Variants in CAPN14 observed in about 807,000 individuals in gnomAD.
The protein encoded by CAPN14 is calpain-14.
In CAPN14, 94 loss-of-function variants were observed where a neutral mutation model predicts 101.3. The observed-to-expected ratio is 0.93, with a 90% confidence interval of 0.79 to 1.10. CAPN14 has a LOEUF of 1.10. Among genes scored for constraint, CAPN14 ranks in the 50% least tolerant of loss-of-function variants. CAPN14 has a pLI of 0.00. For missense variants in CAPN14, 837 were observed against 828.4 expected (o/e 1.01, Z -0.13); for synonymous variants, 338 against 317.9 (o/e 1.06, Z -0.67).
intron 2 of CAPN14, among the ~76,000 whole-genome samples, 195 bp downstream of exon 2, chr2:31,205,028 A>G (rs979500475): frequency 6.6e-6 from 1 of 152,186 alleles, no homozygotes; most frequent in Admixed American, 6.5e-5. Context: ...GAATACCCAG[A>G]TGGTGGCCAC....
chr2:31,215,129 C>T (rs1263526678), intron 1 of CAPN14, among the ~76,000 whole-genome samples: 1 of 152,212 alleles, frequency 6.6e-6, no homozygotes, highest in Admixed American at 6.5e-5. Context: ...AGAGTCATCC[C>T]CTACTCTTCT....
intron 1 of CAPN14, among the ~76,000 whole-genome samples, chr2:31,227,041 G>A (rs937396639): frequency 6.6e-6 from 1 of 152,122 alleles, no homozygotes; most frequent in South Asian, 2.1e-4. Context: ...CCCACGCTCT[G>A]GAAACACCTG....
chr2:31,200,760 T>G (rs1202354797), intron 5 of CAPN14, 135 bp from the exon 6 acceptor site: 2 of 787,296 alleles, frequency 2.5e-6, no homozygotes, highest in Non-Finnish European at 3.9e-6. Context: ...AACCCTGACA[T>G]AGTTTCCAAT....
rs1426512368 is a variant in CAPN14 at position 31,205,250 on chromosome 2, T to A, written c.198A>T (p.Pro66=). The change falls in exon 2 of 22, where the codon CCA becomes CCT. Residue 66 remains proline, a synonymous_variant. Transcript: ENST00000403897. ...IGSGSLLQKL[P]PRLQWKRPPE... Reference sequence around the variant, plus strand: ...GGGGCCTCTTCCACTGCAGGCGGGGTGGCAGCTTCTGCAGCAGGGAGCCAC... The same window carrying A: ...GGGGCCTCTTCCACTGCAGGCGGGGAGGCAGCTTCTGCAGCAGGGAGCCAC... 6.5e-7 allele frequency: 1 copy of A among 1,549,162 alleles called. No individual in the cohort carries two copies. The highest frequency in any genetic ancestry group is 2.4e-5 in the East Asian group (1 of 40,890).
At chr2:31,229,015 A>G (rs602614) in intron 1 of CAPN14, among the ~76,000 whole-genome samples, 120,915 of 152,050 alleles carry the variant, frequency 0.8, 48,543 homozygotes, top group Middle Eastern at 0.85. Context: ...TGTTGAATGC[A>G]AGAAAAGTCG....
Position 31,174,477 on chromosome 2 carries a change from T to C in CAPN14, c.*204A>G, listed in dbSNP as rs1680196710. 1.6e-6 allele frequency: 1 copy of C among 612,938 alleles called. No homozygotes were observed. The highest frequency in any genetic ancestry group is 1.8e-5 in the African/African-American group (1 of 54,222). The allele number at this position is 612,938 out of a possible 1,614,324, so 38.0% of individuals were successfully genotyped here. On this transcript the variant is annotated 3_prime_UTR_variant, in exon 22 of 22. Transcript: ENST00000403897. ...GCTAGCTTTTACAAATCTGATGTAATCTTTACTTCCTCCCTTCCCTTTCTG... is the reference window on the plus strand; with the variant it reads ...GCTAGCTTTTACAAATCTGATGTAACCTTTACTTCCTCCCTTCCCTTTCTG...
chr2:31,205,737 T>A (rs1337931044), intron 1 of CAPN14, among the ~76,000 whole-genome samples: 1 of 151,886 alleles, frequency 6.6e-6, no homozygotes, highest in Admixed American at 6.6e-5. Flanking sequence ...GAAGGGAAAG[T>A]TCTCTCAAGC....
At chr2:31,212,524 G>A (rs1296885876) in intron 1 of CAPN14, among the ~76,000 whole-genome samples, 3 of 152,074 alleles carry the variant, frequency 2.0e-5, no homozygotes, top group African/African-American at 7.2e-5. Flanking sequence ...CTTTGGTGGT[G>A]GCTACTTTTT....
Position 31,209,382 on chromosome 2 carries a change from G to T in CAPN14, c.-52-3883C>A, listed in dbSNP as rs555108371. On this transcript the variant is annotated intron_variant, in intron 1 of 21. Coordinates refer to ENST00000403897, the MANE Select transcript of CAPN14 (RefSeq NM_001145122.2). ...TCTATAGATGCTGGGTGCTAGGAAG[G>T]GCGTTATGATGGTGAGAGGTGTCAA... Among the ~76,000 whole-genome samples, 3 of 152,140 alleles carry T rather than the reference G, an allele frequency of 2.0e-5. No homozygotes were observed. In the East Asian group the frequency reaches 5.8e-4, roughly 29 times the overall value.
chr2:31,204,924 T>G (rs993368893), intron 2 of CAPN14, among the ~76,000 whole-genome samples: 6 of 152,104 alleles, frequency 3.9e-5, no homozygotes, highest in Non-Finnish European at 7.4e-5. Context: ...GTGATTGCCA[T>G]CTGAAGTAGG....
intron 15 of CAPN14, 81 bp downstream of exon 15, chr2:31,187,677 G>A (rs1020964567): frequency 2.1e-5 from 27 of 1,263,114 alleles, no homozygotes; most frequent in Non-Finnish European, 1.8e-5. Context: ...TCAAGCAGGT[G>A]CAAACCTATA....
rs966207537 is a variant in CAPN14, at chr2:31,192,120, T to C, written c.1115-22A>G. 6 of 1,525,936 alleles carry C rather than the reference T, an allele frequency of 3.9e-6. No individual in the cohort carries two copies. The Admixed American group carries it at 6.2e-5, about 16-fold the overall frequency. The allele number at this position is 1,525,936 out of a possible 1,614,324, so 94.5% of individuals were successfully genotyped here. Reference sequence around the variant, plus strand: ...GTGTCTGGAGCAGAACACAGCAAGGTGAGAATGGGCCCCGGATCCCCATGC... The same window carrying C: ...GTGTCTGGAGCAGAACACAGCAAGGCGAGAATGGGCCCCGGATCCCCATGC... On this transcript the variant is annotated intron_variant, in intron 10 of 21. Transcript: ENST00000403897.
intron 1 of CAPN14, among the ~76,000 whole-genome samples, chr2:31,229,991 C>A (rs1221679475): frequency 6.6e-6 from 1 of 152,202 alleles, no homozygotes; most frequent in Non-Finnish European, 1.5e-5. Context: ...ATAGGTAGCA[C>A]CACTTCCCTC....
chr2:31,191,831 G>T, intron 11 of CAPN14, 104 bp downstream of exon 11: 3 of 1,177,156 alleles, frequency 2.5e-6, no homozygotes, highest in Non-Finnish European at 3.5e-6. Context: ...CCAGGTCTGT[G>T]AACAGAGACA....
Position 31,200,491 on chromosome 2 carries a change from G to A in CAPN14, c.686C>T (p.Thr229Ile), listed in dbSNP as rs1193979723. The A allele has an allele frequency of 1.3e-6, 2 of 1,551,070 alleles. No individual in the cohort carries two copies. The highest frequency in any genetic ancestry group is 1.7e-6 in the Non-Finnish European group (2 of 1,146,980). The change falls in exon 6 of 22, where the codon ACC (threonine) becomes ATC (isoleucine). Residue 229 changes from threonine to isoleucine, a missense_variant. Physicochemically the swap from Thr to Ile is moderately conservative, Grantham distance 89. Transcript: ENST00000403897. ...GNLWDILIEATYNRTLIGCQT... is the reference protein window; with the variant it reads ...GNLWDILIEAIYNRTLIGCQT... ...GCAGCCAATGAGGGTTCTGTTGTAG[G>A]TGGCTTCGATGAGGATGTCCCAGAG...
intron 16 of CAPN14, among the ~76,000 whole-genome samples, chr2:31,183,129 C>A (rs1680732345): frequency 1.3e-5 from 2 of 151,792 alleles, no homozygotes; most frequent in Admixed American, 1.3e-4. Flanking sequence ...AACTGGCTAG[C>A]CATATGTAGA....
intron 1 of CAPN14, among the ~76,000 whole-genome samples, chr2:31,210,058 C>G (rs1682308872): frequency 6.6e-6 from 1 of 152,156 alleles, no homozygotes; most frequent in African/African-American, 2.4e-5. Flanking sequence ...AAAGGGTGGT[C>G]TTACAACTCA....
At position 31,180,832 on chromosome 2, in the gene CAPN14, A is replaced by G. The variant is rs1680555651; in HGVS notation, c.1710+104T>C. The G allele has an allele frequency of 4.1e-6, 4 of 972,434 alleles. No homozygotes were observed. The African/African-American group carries it at 6.5e-5, about 16-fold the overall frequency. The allele number at this position is 972,434 out of a possible 1,614,324, so 60.2% of individuals were successfully genotyped here. ...GGCTCAGTGGCTTGTCCAGGATCCC[A>G]CAATTAGCAAGGATTGGGGTTGGGA... On this transcript the variant is annotated intron_variant, in intron 17 of 21. Transcript: ENST00000403897.
At chr2:31,204,924 T>A (rs993368893) in intron 2 of CAPN14, among the ~76,000 whole-genome samples, 4 of 152,104 alleles carry the variant, frequency 2.6e-5, no homozygotes, top group African/African-American at 9.7e-5. Context: ...GTGATTGCCA[T>A]CTGAAGTAGG....
Sources: gnomAD v4.1 joint callset for allele counts (sites outside exome capture counted in the v4.1 genomes callset) on GRCh38, gnomAD v4.1.1 for gene constraint, MANE v1.5 for transcripts, NCBI Gene and HGNC (gene_info 2026-07-23, HGNC 2026-07-21) for gene names.